HIPK2: variants seen among roughly 807,000 people sequenced by gnomAD.
The protein encoded by HIPK2 is homeodomain-interacting protein kinase 2.
Under a neutral mutation model 113.7 loss-of-function variants are expected in HIPK2, and 27 were observed. That is an observed-to-expected ratio of 0.24 (90% CI 0.17 to 0.33). The LOEUF is 0.33. Among genes scored for constraint, HIPK2 ranks in the 10% least tolerant of loss-of-function variants. The probability of loss-of-function intolerance (pLI) is 1.00; values close to 1 mark genes in which losing one functional copy is unlikely to be tolerated. For missense variants in HIPK2, 1,257 were observed against 1,588.0 expected (o/e 0.79, Z 3.54); for synonymous variants, 631 against 642.2 (o/e 0.98, Z 0.26).
chr7:139,645,331 T>A (rs955173858), intron 2 of HIPK2, among the ~76,000 whole-genome samples: 2 of 152,170 alleles, frequency 1.3e-5, no homozygotes, highest in Non-Finnish European at 2.9e-5. Flanking sequence ...ACATTCAGTG[T>A]CACCAGCCGG....
At position 139,613,901 on chromosome 7, in the gene HIPK2, T is replaced by A. The variant is rs1212644105; in HGVS notation, c.1990+385A>T. On this transcript the variant is annotated intron_variant, in intron 8 of 14. Coordinates refer to ENST00000406875, the MANE Select transcript of HIPK2 (RefSeq NM_022740.5). The surrounding 1 kb of genome is among the most constrained non-coding windows in gnomAD (Gnocchi z 4.2). ...GGATATTCTTCATGGGAGCTGGGACTATGTCGGCTGTCAGAGATTGGCAGT... is the reference window on the plus strand; with the variant it reads ...GGATATTCTTCATGGGAGCTGGGACAATGTCGGCTGTCAGAGATTGGCAGT... Among the ~76,000 whole-genome samples the A allele has an allele frequency of 6.6e-6, 1 of 152,218 alleles. No homozygotes were observed. The highest frequency in any genetic ancestry group is 1.5e-5 in the Non-Finnish European group (1 of 68,044).
At chr7:139,590,140 C>T (rs1198995949) in intron 12 of HIPK2, among the ~76,000 whole-genome samples, 3 of 152,048 alleles carry the variant, frequency 2.0e-5, no homozygotes, top group Non-Finnish European at 2.9e-5. Context: ...TCCATGATTG[C>T]GTCTAGTTAT....
intron 1 of HIPK2, among the ~76,000 whole-genome samples, chr7:139,754,664 C>T (rs6978085): frequency 0.36 from 54,909 of 152,102 alleles, 13,793 homozygotes; most frequent in African/African-American, 0.71. Flanking sequence ...GTGAAACCAA[C>T]AGAACAAAGT....
At position 139,573,204 on chromosome 7, in the gene HIPK2, G is replaced by A. The variant is rs375558560; in HGVS notation, c.3320C>T (p.Ala1107Val). The A allele has an allele frequency of 4.6e-5, 74 of 1,606,472 alleles. No individual in the cohort carries two copies. In the Middle Eastern group the frequency reaches 7.0e-4, roughly 15 times the overall value. Residue 1107 changes from alanine to valine, a missense_variant, in exon 15 of 15, where the codon GCG (alanine) becomes GTG (valine). Transcript: ENST00000406875. ...GCCGGTGGAGCCCAGGGCCGCCGGC[G>A]CAGTGTAGGTGTAGAGGTGGGGCTG... ...PTQPHLYTYT[A>V]PAALGSTGTV... is the part of the protein sequence containing the mutation.
chr7:139,731,943 A>C (rs954674271), intron 1 of HIPK2, among the ~76,000 whole-genome samples: 5 of 152,134 alleles, frequency 3.3e-5, no homozygotes, highest in Non-Finnish European at 5.9e-5. Context: ...CCACCTCCAC[A>C]ACTCGCAGGG....
intron 1 of HIPK2, among the ~76,000 whole-genome samples, chr7:139,724,262 A>G (rs1795503906): frequency 2.0e-5 from 3 of 152,180 alleles, no homozygotes; most frequent in Non-Finnish European, 1.5e-5. Flanking sequence ...AGTACTTGGA[A>G]AGTTTCCTTC....
rs757838666 is a variant in HIPK2 at position 139,583,891 on chromosome 7, G to A, written c.2891C>T (p.Pro964Leu). 6.2e-7 allele frequency: 1 copy of A among 1,613,806 alleles called. No individual in the cohort carries two copies. Among genetic ancestry groups the A allele is most frequent in the Middle Eastern group, 1.6e-4 (1 of 6,062 alleles). The change falls in exon 13 of 15, where the codon CCC (proline) becomes CTC (leucine). Residue 964 changes from proline to leucine, a missense_variant. Pro to Leu is a moderately conservative substitution (Grantham distance 98, BLOSUM62 -3). This residue lies in a region of HIPK2 where 862 missense variants were observed against 1,004.3 expected (regional missense o/e 0.86). Coordinates refer to ENST00000406875, the MANE Select transcript of HIPK2 (RefSeq NM_022740.5). Reference sequence around the variant, plus strand: ...CAGGGGTGGCACGATGATGGTTCGGGGGTTCCCCGTGCAGTGATTCTCCAG... The same window carrying A: ...CAGGGGTGGCACGATGATGGTTCGGAGGTTCCCCGTGCAGTGATTCTCCAG... ...GSLENHCTGNPRTIIVPPLKT... is the reference protein window; with the variant it reads ...GSLENHCTGNLRTIIVPPLKT...
rs117752634 is a variant in HIPK2, at chr7:139,713,367, G to A, written c.1103+2565C>T. On this transcript the variant is annotated intron_variant, in intron 2 of 14. Coordinates refer to ENST00000406875, the MANE Select transcript of HIPK2 (RefSeq NM_022740.5). ...GCAGGCTTCCTGAGCTAGGATCCCC[G>A]ATTTTGCGACCTGTCTCCTCAGCAC... Among the ~76,000 whole-genome samples, 252 of 152,244 alleles carry A rather than the reference G, an allele frequency of 1.7e-3. 5 individuals carry two copies. The East Asian group carries it at 0.044, about 27-fold the overall frequency.
At chr7:139,660,758 C>T (rs867063145) in intron 2 of HIPK2, among the ~76,000 whole-genome samples, 3 of 152,156 alleles carry the variant, frequency 2.0e-5, no homozygotes, top group Non-Finnish European at 2.9e-5. Context: ...AGTCTAGATA[C>T]GTAACAAGGA....
In HIPK2 at chr7:139,670,751, C is replaced by CT. The variant is rs1802244998; in HGVS notation, c.1104-39027dup. Among the ~76,000 whole-genome samples, 110 of 58,968 alleles carry CT rather than the reference C, an allele frequency of 1.9e-3. 7 individuals are homozygous for CT. The highest frequency in any genetic ancestry group is 5.7e-3 in the African/African-American group (105 of 18,492). The allele number at this position is 58,968 out of a possible 152,430, so 38.7% of individuals were successfully genotyped here. ...TTTTCTTTTCTTTCTTTCTTTCTTT[C>CT]TTTCTTTCTTTTTTTTTTTTTTTTT... On this transcript the variant is annotated intron_variant, in intron 2 of 14. Transcript: ENST00000406875.
chr7:139,696,582 C>CAA (rs1334825673), intron 2 of HIPK2, among the ~76,000 whole-genome samples: 2,912 of 145,992 alleles, frequency 0.02, 70 homozygotes, highest in African/African-American at 0.062. Flanking sequence ...GACCCTGCCT[C>CAA]AAAAAAAAAA....
At chr7:139,655,938 C>G (rs768795890) in intron 2 of HIPK2, among the ~76,000 whole-genome samples, 11 of 152,112 alleles carry the variant, frequency 7.2e-5, no homozygotes, top group Non-Finnish European at 1.5e-5. Flanking sequence ...ACATCACCAC[C>G]AAGCTGCTTT....
chr7:139,755,756 T>C (rs1796351934), intron 1 of HIPK2, among the ~76,000 whole-genome samples: 1 of 152,222 alleles, frequency 6.6e-6, no homozygotes, highest in African/African-American at 2.4e-5. Context: ...GCAGGCCCCA[T>C]GGATGTCCAC....
intron 13 of HIPK2, among the ~76,000 whole-genome samples, chr7:139,580,184 C>T (rs112948064): frequency 2.6e-5 from 4 of 152,322 alleles, no homozygotes; most frequent in Non-Finnish European, 5.9e-5. Flanking sequence ...CTGGGCCCCG[C>T]TGTGCATGTC....
chr7:139,747,533 A>G (rs572512698), intron 1 of HIPK2, among the ~76,000 whole-genome samples: 12 of 152,328 alleles, frequency 7.9e-5, no homozygotes, highest in African/African-American at 2.9e-4. Flanking sequence ...CCAGTCGAAG[A>G]TACTTTGGGA....
intron 10 of HIPK2, among the ~76,000 whole-genome samples, chr7:139,602,540 T>C (rs1304230581): frequency 1.3e-5 from 2 of 151,820 alleles, no homozygotes; most frequent in Non-Finnish European, 2.9e-5. Flanking sequence ...TTTCTGAAAT[T>C]AGATGAGCTA....
chr7:139,642,917 G>C (rs1039603080), intron 2 of HIPK2, among the ~76,000 whole-genome samples: 3 of 152,096 alleles, frequency 2.0e-5, no homozygotes, highest in African/African-American at 4.8e-5. Flanking sequence ...AATTAAGGTG[G>C]AGAGCTGCTG....
At chr7:139,712,761 C>G (rs1356271315) in intron 2 of HIPK2, among the ~76,000 whole-genome samples, 2 of 152,166 alleles carry the variant, frequency 1.3e-5, no homozygotes, top group African/African-American at 4.8e-5. Context: ...TAAACATGGC[C>G]TAGAGCTGGC....
rs531008125 is a variant in HIPK2, at chr7:139,623,460, G to C, written c.1620-2897C>G. Among the ~76,000 whole-genome samples, 3 of 147,936 alleles carry C rather than the reference G, an allele frequency of 2.0e-5. No homozygotes were observed. The South Asian group carries it at 6.5e-4, about 32-fold the overall frequency. ...GGGAGGTGGAAGCTGCAGTGACGCA[G>C]TGAGCAAAGATCGTACTGCTGCACT... On this transcript the variant is annotated intron_variant, in intron 6 of 14. Coordinates refer to ENST00000406875, the MANE Select transcript of HIPK2 (RefSeq NM_022740.5).
Sources: allele counts gnomAD v4.1 joint callset (sites outside exome capture counted in the v4.1 genomes callset), GRCh38; gene constraint gnomAD v4.1.1; regional missense constraint gnomAD v4.1.1; non-coding constraint Gnocchi (gnomAD v3.1); transcripts MANE v1.5; gene names NCBI Gene and HGNC (gene_info 2026-07-23, HGNC 2026-07-21).